CACNA2D3: variants seen among roughly 807,000 people sequenced by gnomAD.
The protein encoded by CACNA2D3 is calcium voltage-gated channel auxiliary subunit alpha2delta 3.
CACNA2D3 carries 60 observed loss-of-function variants against 160.6 expected under a neutral mutation model. The observed-to-expected ratio is 0.37, with a 90% confidence interval of 0.30 to 0.46. CACNA2D3 has a LOEUF of 0.46. Among genes scored for constraint, CACNA2D3 ranks in the 20% least tolerant of loss-of-function variants. CACNA2D3 has a pLI of 1.00. For missense variants in CACNA2D3, 1,205 were observed against 1,365.0 expected (o/e 0.88, Z 1.85); for synonymous variants, 558 against 492.9 (o/e 1.13, Z -1.75).
chr3:54,836,548 TATAAG>T (rs1698694370), intron 14 of CACNA2D3, among the ~76,000 whole-genome samples: 3 of 152,180 alleles, frequency 2.0e-5, no homozygotes, highest in South Asian at 4.1e-4. Flanking sequence ...GGGCCATTCT[TATAAG>T]AGAAATGATT....
chr3:54,604,246 T>C (rs1014115849), intron 9 of CACNA2D3, among the ~76,000 whole-genome samples: 2 of 152,164 alleles, frequency 1.3e-5, no homozygotes, highest in South Asian at 2.1e-4. Flanking sequence ...ATTAGGACTT[T>C]AGGGGTATAA....
chr3:54,717,513 C>CGT (rs140092514), intron 11 of CACNA2D3, among the ~76,000 whole-genome samples: 63 of 150,190 alleles, frequency 4.2e-4, no homozygotes, highest in East Asian at 1.6e-3. Context: ...TCTGTGTATG[C>CGT]GTGTGTGTGT....
At chr3:54,248,600 G>GA (rs1224869156) in intron 2 of CACNA2D3, among the ~76,000 whole-genome samples, 2 of 152,094 alleles carry the variant, frequency 1.3e-5, no homozygotes, top group African/African-American at 4.8e-5. Flanking sequence ...CAGGCACAGA[G>GA]AAAAGACCAT....
intron 5 of CACNA2D3, among the ~76,000 whole-genome samples, chr3:54,537,658 G>A (rs1254416907): frequency 6.6e-6 from 1 of 152,096 alleles, no homozygotes; most frequent in Non-Finnish European, 1.5e-5. Flanking sequence ...CATTTTACAG[G>A]GAATCAGAGG....
chr3:54,259,082 T>C (rs1027771921), intron 2 of CACNA2D3, among the ~76,000 whole-genome samples: 2 of 152,228 alleles, frequency 1.3e-5, no homozygotes, highest in African/African-American at 4.8e-5. Context: ...AGCCACAATG[T>C]GGGCAGGGGC....
chr3:54,137,796 C>G (rs1699845503), intron 2 of CACNA2D3, among the ~76,000 whole-genome samples: 2 of 152,144 alleles, frequency 1.3e-5, no homozygotes, highest in Non-Finnish European at 2.9e-5. Flanking sequence ...ACTCTGTTTT[C>G]TATTCTGTTC....
At chr3:54,123,323 TCCC>T (rs1241086246) in intron 1 of CACNA2D3, 187 bp from the exon 2 acceptor site, 10 of 588,458 alleles carry the variant, frequency 1.7e-5, no homozygotes, top group Admixed American at 1.5e-4. Context: ...TCGGGCCCCC[TCCC>T]GCGCTGCGCT....
chr3:54,870,780 A>G (rs1287838650), intron 17 of CACNA2D3, among the ~76,000 whole-genome samples: 1 of 152,180 alleles, frequency 6.6e-6, no homozygotes, highest in Non-Finnish European at 1.5e-5. Flanking sequence ...TAAAGGAGCC[A>G]TGCTTAGTTC....
At chr3:54,179,392 T>C (rs1008778608) in intron 2 of CACNA2D3, among the ~76,000 whole-genome samples, 4 of 152,114 alleles carry the variant, frequency 2.6e-5, no homozygotes, top group Non-Finnish European at 4.4e-5. Flanking sequence ...CTGTTGCTAC[T>C]CTTGGGGAAC....
intron 11 of CACNA2D3, among the ~76,000 whole-genome samples, chr3:54,742,539 A>G (rs539090236): frequency 1.3e-5 from 2 of 152,304 alleles, no homozygotes; most frequent in African/African-American, 4.8e-5. Context: ...CTGTTTGGTA[A>G]CCACTGCTTT....
intron 29 of CACNA2D3, among the ~76,000 whole-genome samples, chr3:54,984,311 A>T (rs759034577): frequency 5.9e-4 from 90 of 151,566 alleles, no homozygotes; most frequent in South Asian, 1.5e-3. Flanking sequence ...TAAAGAAAAA[A>T]AAAAAGGAAG....
Position 54,731,894 on chromosome 3 carries a change from A to G in CACNA2D3, c.1168-20705A>G, listed in dbSNP as rs540396891. Among the ~76,000 whole-genome samples the G allele has an allele frequency of 4.0e-4, 61 of 152,222 alleles. No individual in the cohort carries two copies. In the South Asian group the frequency reaches 0.012, roughly 31 times the overall value. On this transcript the variant is annotated intron_variant, in intron 11 of 37. Coordinates refer to ENST00000474759, the MANE Select transcript of CACNA2D3 (RefSeq NM_018398.3). ...GGCAATGGCGTGGATCAAAAGCATCACCGTGTAATTGAAACTGACTTTGTA... is the reference window on the plus strand; with the variant it reads ...GGCAATGGCGTGGATCAAAAGCATCGCCGTGTAATTGAAACTGACTTTGTA...
At chr3:54,337,286 C>G (rs963478279) in intron 3 of CACNA2D3, among the ~76,000 whole-genome samples, 1 of 152,216 alleles carries the variant, frequency 6.6e-6, no homozygotes, top group Non-Finnish European at 1.5e-5. Context: ...TCCATTTTCT[C>G]AACAACCTCA....
intron 35 of CACNA2D3, among the ~76,000 whole-genome samples, chr3:55,055,278 A>T (rs114773576): frequency 6.6e-6 from 1 of 152,046 alleles, no homozygotes; most frequent in Non-Finnish European, 1.5e-5. Context: ...TTGCAAGTGG[A>T]TATCCAGTTG....
chr3:54,650,151 A>G (rs1699732446), intron 11 of CACNA2D3, among the ~76,000 whole-genome samples: 1 of 151,400 alleles, frequency 6.6e-6, no homozygotes, highest in South Asian at 2.1e-4. Context: ...TTTTTTTTTT[A>G]GGGTGATATT....
intron 24 of CACNA2D3, among the ~76,000 whole-genome samples, chr3:54,889,719 C>A (rs540474448): frequency 1.3e-5 from 2 of 152,196 alleles, no homozygotes; most frequent in East Asian, 3.9e-4. Context: ...CTGCCATTTT[C>A]ATTATTAGGG....
chr3:54,337,398 G>A (rs1478134490), intron 3 of CACNA2D3, among the ~76,000 whole-genome samples: 2 of 152,328 alleles, frequency 1.3e-5, no homozygotes, highest in South Asian at 2.1e-4. Context: ...GGTCCAGTAT[G>A]TCCAACTCCA....
chr3:54,478,661 T>TGTATATATATATATATTG (rs1559493278), intron 4 of CACNA2D3, among the ~76,000 whole-genome samples: 8 of 35,596 alleles, frequency 2.2e-4, no homozygotes, highest in Non-Finnish European at 4.7e-4. Flanking sequence ...TATGTGTGTG[T>TGTATATATATATATATTG]ATATATATAT....
chr3:54,740,558 A>G (rs1456071461), intron 11 of CACNA2D3, among the ~76,000 whole-genome samples: 1 of 152,116 alleles, frequency 6.6e-6, no homozygotes, highest in African/African-American at 2.4e-5. Context: ...AAAAACCCAC[A>G]AGTCATTCTG....
Sources: allele counts gnomAD v4.1 joint callset (sites outside exome capture counted in the v4.1 genomes callset), GRCh38; gene constraint gnomAD v4.1.1; transcripts MANE v1.5; gene names NCBI Gene and HGNC (gene_info 2026-07-23, HGNC 2026-07-21).